Variants in SASS6 observed in about 807,000 individuals in gnomAD.
SASS6 encodes the protein SAS-6 centriolar assembly protein, also known as spindle assembly abnormal protein 6 homolog.
SASS6 carries 59 observed loss-of-function variants against 94.9 expected under a neutral mutation model. The ratio of observed to expected loss-of-function variants is 0.62; its 90% CI spans 0.50 to 0.77. The LOEUF (loss-of-function observed/expected upper bound fraction) is 0.77. SASS6 is among the 30% of genes least tolerant of loss of function. The probability of loss-of-function intolerance (pLI) is 0.00; values close to 1 mark genes in which losing one functional copy is unlikely to be tolerated. For synonymous variants in SASS6, 264 were observed against 270.0 expected, an observed-to-expected ratio of 0.98 and a Z score of 0.22; for missense variants, 698 against 734.1, an observed-to-expected ratio of 0.95 and a Z score of 0.57.
intron 14 of SASS6, among the ~76,000 whole-genome samples, chr1:100,092,007 C>CAAAAAAAAA (rs34503110): frequency 4.0e-5 from 2 of 50,048 alleles, no homozygotes; most frequent in African/African-American, 7.9e-5. Flanking sequence ...GACCCTGTCT[C>CAAAAAAAAA]AAAAAAAAAA....
chr1:100,096,976 G>A (rs565873360), intron 14 of SASS6, among the ~76,000 whole-genome samples: 4 of 152,260 alleles, frequency 2.6e-5, no homozygotes, highest in South Asian at 2.1e-4. Flanking sequence ...TTAGCTGGAC[G>A]TGGTGGCGTG....
At chr1:100,117,971 C>T (rs893253259) in intron 7 of SASS6, among the ~76,000 whole-genome samples, 4 of 150,952 alleles carry the variant, frequency 2.6e-5, no homozygotes, top group African/African-American at 9.7e-5. Flanking sequence ...ACAAAAAATA[C>T]AAGAAATATA....
At chr1:100,104,359 C>T (rs1352436576) in intron 13 of SASS6, among the ~76,000 whole-genome samples, 1 of 152,178 alleles carries the variant, frequency 6.6e-6, no homozygotes, top group African/African-American at 2.4e-5. Flanking sequence ...AGGAGAGCCC[C>T]AGGCCTATGT....
chr1:100,112,200 T>C (rs758896188), intron 7 of SASS6, among the ~76,000 whole-genome samples: 2 of 152,228 alleles, frequency 1.3e-5, no homozygotes, highest in African/African-American at 2.4e-5. Flanking sequence ...GAATATTCTA[T>C]AGAGGCTTAA....
At position 100,093,487 on chromosome 1, in the gene SASS6, G is replaced by A. The variant is rs500814; in HGVS notation, c.1675-5251C>T. 9.2e-3 allele frequency among the ~76,000 whole-genome samples: 1,400 copies of A among 152,288 alleles called. 23 individuals are homozygous for A. Among genetic ancestry groups the A allele is most frequent in the African/African-American group, 0.032 (1,348 of 41,546 alleles). On this transcript the variant is annotated intron_variant, in intron 14 of 16. Coordinates refer to ENST00000287482, the MANE Select transcript of SASS6 (RefSeq NM_194292.3). Reference sequence around the variant, plus strand: ...GTACTTGAAAAGAATAGGGCTGGGCGTGGTGGCTCATGCCTGTAATCCCCA... The same window carrying A: ...GTACTTGAAAAGAATAGGGCTGGGCATGGTGGCTCATGCCTGTAATCCCCA...
chr1:100,114,702 A>G (rs1273130473), intron 7 of SASS6, among the ~76,000 whole-genome samples: 1 of 152,064 alleles, frequency 6.6e-6, no homozygotes, highest in Non-Finnish European at 1.5e-5. Context: ...TGGGCAACAG[A>G]GCAAGACTCT....
chr1:100,117,840 T>C (rs1329859201), intron 7 of SASS6, among the ~76,000 whole-genome samples: 1 of 138,178 alleles, frequency 7.2e-6, no homozygotes, highest in East Asian at 2.1e-4. Context: ...ATTAAGAAGG[T>C]GGCAGGGCAC....
chr1:100,113,574 T>A (rs1325555934), intron 7 of SASS6, among the ~76,000 whole-genome samples: 1 of 146,886 alleles, frequency 6.8e-6, no homozygotes, highest in Non-Finnish European at 1.5e-5. Flanking sequence ...TGAGTTGAGA[T>A]CATGCCACTG....
intron 13 of SASS6, among the ~76,000 whole-genome samples, chr1:100,104,584 C>T (rs946023767): frequency 6.6e-6 from 1 of 151,924 alleles, no homozygotes; most frequent in African/African-American, 2.4e-5. Context: ...CTCAGTCTCC[C>T]GAGTAGCTGG....
intron 7 of SASS6, among the ~76,000 whole-genome samples, chr1:100,113,021 A>G (rs1313475725): frequency 6.6e-6 from 1 of 152,212 alleles, no homozygotes; most frequent in African/African-American, 2.4e-5. Context: ...CAATACAGAA[A>G]TACAAACAAA....
At chr1:100,101,768 T>C (rs940143875) in intron 14 of SASS6, among the ~76,000 whole-genome samples, 1 of 152,196 alleles carries the variant, frequency 6.6e-6, no homozygotes, top group African/African-American at 2.4e-5. Context: ...ACTCTTTACA[T>C]AACAGTATTC....
intron 13 of SASS6, among the ~76,000 whole-genome samples, chr1:100,104,073 T>C (rs1040876175): frequency 2.6e-5 from 4 of 152,286 alleles, no homozygotes; most frequent in African/African-American, 9.6e-5. Context: ...TGGAAGCTAC[T>C]GGGAAATGGG....
chr1:100,109,615 T>C (rs1307556285), intron 8 of SASS6, among the ~76,000 whole-genome samples: 1 of 151,852 alleles, frequency 6.6e-6, no homozygotes, highest in Non-Finnish European at 1.5e-5. Context: ...AAATAAAAAA[T>C]AAAAATTTCT....
intron 7 of SASS6, 45 bp from the exon 8 acceptor site, chr1:100,110,528 T>G: frequency 9.9e-7 from 1 of 1,007,048 alleles, no homozygotes; most frequent in Non-Finnish European, 1.4e-6. Context: ...AAGAAAAAAA[T>G]CAGAAATACA....
chr1:100,114,444 G>A (rs1653634260), intron 7 of SASS6, among the ~76,000 whole-genome samples: 1 of 151,664 alleles, frequency 6.6e-6, no homozygotes, highest in Non-Finnish European at 1.5e-5. Context: ...AGCACTTCAG[G>A]AGGCCAAGGC....
chr1:100,132,757 C>T lies in SASS6; in HGVS notation c.58G>A (p.Glu20Lys), dbSNP rs1288728510. The T allele has an allele frequency of 6.2e-7, 1 of 1,613,840 alleles. No homozygotes were observed. The highest frequency in any genetic ancestry group is 8.5e-7 in the Non-Finnish European group (1 of 1,179,750). The change falls in exon 1 of 17, where the codon GAG becomes AAG. Residue 20 changes from glutamate (E) to lysine (K), a missense_variant. Transcript: ENST00000287482. ...VPLQVKCKDC[E>K]ERRVSIRMSI... is the part of the protein sequence containing the mutation. ...GGATGACGCGGACCTTACCTCTCCT[C>T]ACAGTCTTTGCATTTCACCTGCAAC... is the stretch of plus-strand genomic sequence containing the variant.
chr1:100,090,025 T>C (rs1651568222), intron 14 of SASS6, among the ~76,000 whole-genome samples: 1 of 151,958 alleles, frequency 6.6e-6, no homozygotes, highest in African/African-American at 2.4e-5. Context: ...AGTAGTATAA[T>C]AATATTTGAA....
chr1:100,132,898 A>G lies in SASS6; in HGVS notation c.-84T>C. On this transcript the variant is annotated 5_prime_UTR_variant, in exon 1 of 17. Coordinates refer to ENST00000287482, the MANE Select transcript of SASS6 (RefSeq NM_194292.3). ...TAGCCTGAGAGGTCCGGGTCCTGAT[A>G]AAGTTTGAGTTTGGCGCTCGGCTTC... 1 of 1,337,660 alleles carries G rather than the reference A, an allele frequency of 7.5e-7. No homozygotes were observed. The highest frequency in any genetic ancestry group is 1.2e-5 in the South Asian group (1 of 84,012). 82.9% of individuals were successfully genotyped at this position (1,337,660 alleles called of 1,614,324 possible). A position where few individuals can be genotyped will look rare whatever the true frequency, so the allele number is the denominator to read the frequency against.
intron 6 of SASS6, 63 bp from the exon 7 acceptor site, chr1:100,119,200 G>T: frequency 3.4e-6 from 3 of 880,488 alleles, no homozygotes; most frequent in Non-Finnish European, 4.9e-6. Flanking sequence ...ATTTTGATTA[G>T]AATATAGCAA....
Sources: gnomAD v4.1 joint callset for allele counts (sites outside exome capture counted in the v4.1 genomes callset) on GRCh38, gnomAD v4.1.1 for gene constraint, MANE v1.5 for transcripts, NCBI Gene and HGNC (gene_info 2026-07-23, HGNC 2026-07-21) for gene names.